MYLK4: variants seen among roughly 807,000 people sequenced by gnomAD.
MYLK4 encodes the protein myosin light chain kinase family member 4, also known as caMLCK like.
A neutral mutation model predicts 48.1 loss-of-function variants in MYLK4; 46 were observed. That is an observed-to-expected ratio of 0.96 (90% CI 0.75 to 1.22). MYLK4 has a LOEUF of 1.22. MYLK4 is among the 50% of genes most tolerant of loss of function. MYLK4 has a pLI of 0.00. For missense variants in MYLK4, 451 were observed against 486.1 expected (o/e 0.93, Z 0.68); for synonymous variants, 170 against 180.8 (o/e 0.94, Z 0.48).
At chr6:2,743,012 G>A (rs897643981) in intron 2 of MYLK4, among the ~76,000 whole-genome samples, 7 of 152,102 alleles carry the variant, frequency 4.6e-5, no homozygotes, top group Non-Finnish European at 5.9e-5. Flanking sequence ...CTGGGGGCAT[G>A]TGAAGAAAAT....
At chr6:2,748,539 C>T (rs550531478) in intron 2 of MYLK4, among the ~76,000 whole-genome samples, 32 of 152,326 alleles carry the variant, frequency 2.1e-4, no homozygotes, top group African/African-American at 5.5e-4. Flanking sequence ...GCTTTACAGA[C>T]GTGATCACAC....
At chr6:2,759,040 A>G in the MYLK4 span, among the ~76,000 whole-genome samples, 1 of 152,204 alleles carries the variant, frequency 6.6e-6, no homozygotes, top group African/African-American at 2.4e-5. Flanking sequence ...AGTTTTTGCT[A>G]ATCTATTGGG....
the MYLK4 span, chr6:2,765,578 G>C: frequency 7.0e-6 from 10 of 1,432,428 alleles, no homozygotes; most frequent in East Asian, 9.3e-5. Flanking sequence ...GCGTGCGCAC[G>C]GGTTGCTGCG....
the MYLK4 span, among the ~76,000 whole-genome samples, chr6:2,768,121 C>T: frequency 4.6e-5 from 7 of 152,312 alleles, no homozygotes; most frequent in African/African-American, 1.4e-4. Flanking sequence ...GCTAATGTGA[C>T]CACAGTGCTG....
chr6:2,700,859 G>T (rs373984863), intron 2 of MYLK4, among the ~76,000 whole-genome samples: 1 of 152,180 alleles, frequency 6.6e-6, no homozygotes, highest in African/African-American at 2.4e-5. Flanking sequence ...CTGAGGTGGA[G>T]AAATATCACC....
chr6:2,716,352 GT>G (rs1342992649), intron 2 of MYLK4, among the ~76,000 whole-genome samples: 1 of 152,204 alleles, frequency 6.6e-6, no homozygotes, highest in African/African-American at 2.4e-5. Context: ...GGAGCAGAAT[GT>G]GTTTAAGTGT....
At chr6:2,761,419 AAG>A in the MYLK4 span, among the ~76,000 whole-genome samples, 2 of 152,228 alleles carry the variant, frequency 1.3e-5, no homozygotes, top group African/African-American at 4.8e-5. Context: ...AAAGCAATCT[AAG>A]AGGAGGGGTG....
the MYLK4 span, among the ~76,000 whole-genome samples, chr6:2,756,160 CT>C: frequency 2.0e-5 from 3 of 152,108 alleles, no homozygotes; most frequent in African/African-American, 7.2e-5. Flanking sequence ...TTTTCTAATT[CT>C]GCCATTTCTT....
At chr6:2,687,347 A>G (rs1323585913) in intron 4 of MYLK4, among the ~76,000 whole-genome samples, 1 of 152,226 alleles carries the variant, frequency 6.6e-6, no homozygotes, top group African/African-American at 2.4e-5. Flanking sequence ...ACGGCTGCCA[A>G]TTTTGGTGAA....
At chr6:2,765,518 G>A in the MYLK4 span, 1 of 1,285,528 alleles carries the variant, frequency 7.8e-7, no homozygotes, top group South Asian at 2.2e-5. Context: ...CTGGTTCCCC[G>A]AGCGAGGGTC....
intron 7 of MYLK4, among the ~76,000 whole-genome samples, chr6:2,682,513 G>T (rs981850520): frequency 1.3e-5 from 2 of 152,094 alleles, no homozygotes; most frequent in African/African-American, 4.8e-5. Flanking sequence ...CCATCCTTCC[G>T]ACTGTCCTCT....
rs755624244 is a variant in MYLK4, at chr6:2,678,317, T to C, written c.943A>G (p.Ile315Val). 2 of 1,613,900 alleles carry C rather than the reference T, an allele frequency of 1.2e-6. No individual in the cohort carries two copies. The highest frequency in any genetic ancestry group is 3.3e-5 in the Admixed American group (2 of 59,994). The change falls in exon 10 of 13, where the codon ATC becomes GTC. Residue 315 changes from isoleucine (I) to valine (V), a missense_variant. Ile to Val is a conservative substitution (Grantham distance 29). Transcript: ENST00000274643. ...GDNDAETLNN[I>V]LACRWDLEDE... ...TCTAAGTCCCACCTGCAGGCCAGGATGTTGTTCAGCGTCTCAGCATCATTG... is the reference window on the plus strand; with the variant it reads ...TCTAAGTCCCACCTGCAGGCCAGGACGTTGTTCAGCGTCTCAGCATCATTG...
At chr6:2,708,825 A>G (rs186277395) in intron 2 of MYLK4, among the ~76,000 whole-genome samples, 1 of 152,316 alleles carries the variant, frequency 6.6e-6, no homozygotes, top group Admixed American at 6.5e-5. Flanking sequence ...ATAGCCTTGA[A>G]CACAGTATCT....
intron 2 of MYLK4, among the ~76,000 whole-genome samples, chr6:2,707,405 G>T (rs569226077): frequency 6.6e-6 from 1 of 151,938 alleles, no homozygotes; most frequent in African/African-American, 2.4e-5. Context: ...TTTTCAAACC[G>T]ATCTCATTAT....
chr6:2,668,656 T>C (rs903318717), intron 12 of MYLK4, among the ~76,000 whole-genome samples: 2 of 152,320 alleles, frequency 1.3e-5, no homozygotes, highest in African/African-American at 4.8e-5. Context: ...CATAAACCCA[T>C]CTCATCCTGG....
chr6:2,730,596 C>T (rs1381318303), intron 2 of MYLK4, among the ~76,000 whole-genome samples: 1 of 152,064 alleles, frequency 6.6e-6, no homozygotes, highest in African/African-American at 2.4e-5. Context: ...TGTAGGAATC[C>T]CCTGTTGCTA....
In MYLK4 at chr6:2,683,391, TTGTGTGTG is replaced by T. The variant is rs67359849; in HGVS notation, c.546-237_546-230del. On this transcript the variant is annotated intron_variant, in intron 6 of 12. Transcript: ENST00000274643. ...ATCCTCAAGCCAACTCCCCACCTTT[TTGTGTGTG>T]TGTGTGTGTGTGTGTGTGTGTGTGT... is the stretch of plus-strand genomic sequence containing the variant. Among the ~76,000 whole-genome samples, 374 of 126,658 alleles carry T rather than the reference TTGTGTGTG, an allele frequency of 3.0e-3. 7 individuals carry two copies. Among genetic ancestry groups the T allele is most frequent in the African/African-American group, 9.0e-3 (315 of 35,100 alleles). The allele number at this position is 126,658 out of a possible 152,430, so 83.1% of individuals were successfully genotyped here.
At chr6:2,762,221 A>T in the MYLK4 span, among the ~76,000 whole-genome samples, 2 of 151,946 alleles carry the variant, frequency 1.3e-5, no homozygotes, top group African/African-American at 4.8e-5. Context: ...CTTAATTTTT[A>T]CTCCCATAGT....
At chr6:2,748,735 T>G (rs1462092195) in intron 2 of MYLK4, among the ~76,000 whole-genome samples, 1 of 152,234 alleles carries the variant, frequency 6.6e-6, no homozygotes, top group Non-Finnish European at 1.5e-5. Context: ...GACTTCACTA[T>G]CAACAGCTCT....
Sources: allele counts gnomAD v4.1 joint callset (sites outside exome capture counted in the v4.1 genomes callset), GRCh38; gene constraint gnomAD v4.1.1; transcripts MANE v1.5; gene names NCBI Gene and HGNC (gene_info 2026-07-23, HGNC 2026-07-21).